ZNF423: variants seen among roughly 807,000 people sequenced by gnomAD.
The protein encoded by ZNF423 is zinc finger protein 423, also known as Ebf-associated zinc finger protein.
ZNF423 carries 12 observed loss-of-function variants against 95.8 expected under a neutral mutation model. The observed-to-expected ratio is 0.13, with a 90% CI of 0.08 to 0.20. ZNF423 has a LOEUF of 0.20. Ranked by LOEUF, ZNF423 falls within the 10% of genes least tolerant of loss-of-function variation. ZNF423 has a pLI of 1.00. For synonymous variants in ZNF423, 749 were observed against 711.9 expected, an observed-to-expected ratio of 1.05 and a Z score of -0.83; for missense variants, 1,316 against 1,737.1, an observed-to-expected ratio of 0.76 and a Z score of 4.31.
At chr16:49,651,074 G>A (rs1973382225) in intron 3 of ZNF423, among the ~76,000 whole-genome samples, 1 of 150,746 alleles carries the variant, frequency 6.6e-6, no homozygotes, top group South Asian at 2.1e-4. Flanking sequence ...AGGCTGTAGT[G>A]CAGTGATGCA....
chr16:49,503,518 A>C (rs1287448486), intron 7 of ZNF423, among the ~76,000 whole-genome samples: 1 of 151,934 alleles, frequency 6.6e-6, no homozygotes, highest in Non-Finnish European at 1.5e-5. Flanking sequence ...CACTCCCGCT[A>C]TCCAGAGTGT....
chr16:49,543,798 G>A (rs1163164071), intron 5 of ZNF423, among the ~76,000 whole-genome samples: 3 of 152,058 alleles, frequency 2.0e-5, no homozygotes, highest in Middle Eastern at 3.4e-3. Context: ...AGCTCCAGAC[G>A]CAAGCCGGAG....
At chr16:49,785,210 G>A (rs995175713) in intron 2 of ZNF423, among the ~76,000 whole-genome samples, 1 of 152,040 alleles carries the variant, frequency 6.6e-6, no homozygotes, top group African/African-American at 2.4e-5. Context: ...CCAAGTAGCT[G>A]GGATTACAGG....
At chr16:49,761,663 G>C (rs1259011864) in intron 2 of ZNF423, among the ~76,000 whole-genome samples, 3 of 152,166 alleles carry the variant, frequency 2.0e-5, no homozygotes, top group Non-Finnish European at 4.4e-5. Flanking sequence ...GGCACAGAGT[G>C]GGTGCTGAGA....
At chr16:49,830,986 T>C (rs2035054947) in intron 1 of ZNF423, among the ~76,000 whole-genome samples, 1 of 152,190 alleles carries the variant, frequency 6.6e-6, no homozygotes, top group Non-Finnish European at 1.5e-5. Flanking sequence ...CTGCTTGCTC[T>C]TCCTCTTTCC....
chr16:49,543,503 T>G (rs1222177630), intron 5 of ZNF423, among the ~76,000 whole-genome samples: 1 of 152,152 alleles, frequency 6.6e-6, no homozygotes, highest in Non-Finnish European at 1.5e-5. Context: ...CGGGAGCGGA[T>G]CCAATCCAGC....
chr16:49,552,435 G>A (rs1387876380), intron 5 of ZNF423, among the ~76,000 whole-genome samples: 1 of 152,202 alleles, frequency 6.6e-6, no homozygotes, highest in Non-Finnish European at 1.5e-5. Context: ...GGGTGGAGGG[G>A]GGCAAGGGGC....
At chr16:49,612,435 T>A (rs1971756938) in intron 5 of ZNF423, among the ~76,000 whole-genome samples, 1 of 148,338 alleles carries the variant, frequency 6.7e-6, no homozygotes, top group Non-Finnish European at 1.5e-5. Flanking sequence ...AGACAAAAAC[T>A]TCAGGCATTT....
intron 3 of ZNF423, among the ~76,000 whole-genome samples, chr16:49,695,454 C>T (rs2031932924): frequency 2.0e-5 from 3 of 152,226 alleles, no homozygotes; most frequent in Admixed American, 6.5e-5. Flanking sequence ...CCACCAAGCC[C>T]GGCTAATTTT....
At chr16:49,851,997 T>C (rs1363008138) in intron 1 of ZNF423, among the ~76,000 whole-genome samples, 1 of 152,184 alleles carries the variant, frequency 6.6e-6, no homozygotes, top group Non-Finnish European at 1.5e-5. Flanking sequence ...TCATGTACAT[T>C]TAGCCAAACA....
intron 2 of ZNF423, among the ~76,000 whole-genome samples, chr16:49,762,174 C>T (rs2033844246): frequency 6.6e-6 from 1 of 152,172 alleles, no homozygotes; most frequent in Admixed American, 6.5e-5. Flanking sequence ...AGCCTCCGTG[C>T]CCAGACACCT....
At chr16:49,836,830 T>C (rs532977576) in intron 1 of ZNF423, among the ~76,000 whole-genome samples, 12 of 152,150 alleles carry the variant, frequency 7.9e-5, no homozygotes, top group African/African-American at 2.4e-4. Context: ...CAGGACAGGA[T>C]ACAAAGAGAG....
At chr16:49,563,473 A>C (rs991786497) in intron 5 of ZNF423, among the ~76,000 whole-genome samples, 1 of 152,198 alleles carries the variant, frequency 6.6e-6, no homozygotes, top group Non-Finnish European at 1.5e-5. Context: ...GTATTCCTTC[A>C]CAGCAACACA....
intron 1 of ZNF423, among the ~76,000 whole-genome samples, chr16:49,819,501 G>A (rs561649973): frequency 3.9e-5 from 6 of 152,076 alleles, no homozygotes; most frequent in African/African-American, 1.4e-4. Flanking sequence ...AGGCTGGAGT[G>A]CAGTGATGTG....
chr16:49,701,361 C>T (rs529421713), intron 3 of ZNF423, among the ~76,000 whole-genome samples: 2 of 152,184 alleles, frequency 1.3e-5, no homozygotes, highest in South Asian at 2.1e-4. Context: ...ATATTTCCTA[C>T]GCTGATGGCC....
chr16:49,680,839 C>T (rs1012110111), intron 3 of ZNF423, among the ~76,000 whole-genome samples: 1 of 152,144 alleles, frequency 6.6e-6, no homozygotes. Context: ...GGGTGCAGAA[C>T]GAGCCCAGCA....
intron 7 of ZNF423, among the ~76,000 whole-genome samples, 179 bp downstream of exon 7, chr16:49,523,445 G>A (rs988552159): frequency 4.6e-5 from 7 of 152,216 alleles, no homozygotes; most frequent in African/African-American, 1.2e-4. Flanking sequence ...TTTTGAGAAC[G>A]CTGGGCTGGC....
intron 1 of ZNF423, among the ~76,000 whole-genome samples, chr16:49,834,716 G>A (rs1424573069): frequency 3.3e-5 from 5 of 152,142 alleles, no homozygotes; most frequent in African/African-American, 9.7e-5. Flanking sequence ...GCCACTCGGA[G>A]CACGCTGTGT....
At position 49,636,839 on chromosome 16, in the gene ZNF423, G is replaced by A. The variant is rs1972741155; in HGVS notation, c.2337C>T (p.His779=). ...KEADLQVHVK[H]SHLGNPAKAH... is the part of the protein sequence containing the mutation. ...CCTTGGCCGGGTTGCCCAGGTGGCT[G>A]TGTTTGACGTGCACCTGCAGGTCAG... Residue 779 remains histidine, a synonymous_variant, in exon 4 of 8, where the codon CAC becomes CAT. Transcript: ENST00000563137. This position sits in a 1 kb window ranked among gnomAD's most constrained non-coding sequence, Gnocchi z 8.6. The A allele has an allele frequency of 6.2e-7, 1 of 1,614,078 alleles. No individual in the cohort carries two copies. Among genetic ancestry groups the A allele is most frequent in the African/African-American group, 1.3e-5 (1 of 75,042 alleles).
Sources: allele counts gnomAD v4.1 joint callset (sites outside exome capture counted in the v4.1 genomes callset), GRCh38; gene constraint gnomAD v4.1.1; non-coding constraint Gnocchi (gnomAD v3.1); transcripts MANE v1.5; gene names NCBI Gene and HGNC (gene_info 2026-07-23, HGNC 2026-07-21).